Variants in HSD17B4 observed in about 807,000 individuals in gnomAD.
HSD17B4 encodes hydroxysteroid 17-beta dehydrogenase 4, also known as peroxisomal multifunctional enzyme type 2.
Under a neutral mutation model 101.0 loss-of-function variants are expected in HSD17B4, and 70 were observed. The ratio of observed to expected loss-of-function variants is 0.69; its 90% CI spans 0.57 to 0.85. The LOEUF is 0.85. Among genes scored for constraint, HSD17B4 ranks in the 40% least tolerant of loss-of-function variants. The probability of loss-of-function intolerance (pLI) is 0.00; values close to 1 mark genes in which losing one functional copy is unlikely to be tolerated. For missense variants in HSD17B4, 984 were observed against 892.4 expected (o/e 1.10, Z -1.31); for synonymous variants, 347 against 297.1 (o/e 1.17, Z -1.73).
intron 14 of HSD17B4, among the ~76,000 whole-genome samples, chr5:119,505,764 G>C (rs896915232): frequency 1.3e-5 from 2 of 151,592 alleles, no homozygotes; most frequent in African/African-American, 2.4e-5. Context: ...AGATTGCTCT[G>C]GGTAGGAGTT....
chr5:119,539,535 TAACA>T (rs1457724126), intron 23 of HSD17B4, among the ~76,000 whole-genome samples: 2 of 151,738 alleles, frequency 1.3e-5, no homozygotes, highest in Non-Finnish European at 2.9e-5. Flanking sequence ...TATACATATG[TAACA>T]AACCTGCGCA....
intron 17 of HSD17B4, among the ~76,000 whole-genome samples, chr5:119,523,664 T>A (rs952320377): frequency 3.9e-5 from 6 of 152,184 alleles, no homozygotes; most frequent in Admixed American, 2.0e-4. Context: ...AGGAATGATA[T>A]ATGTGGGATA....
chr5:119,510,729 C>T (rs1211129541), intron 16 of HSD17B4, among the ~76,000 whole-genome samples: 1 of 152,152 alleles, frequency 6.6e-6, no homozygotes, highest in Non-Finnish European at 1.5e-5. Flanking sequence ...GCATTTGAGT[C>T]ACAACCCCTC....
At chr5:119,497,729 CT>C (rs879787130) in intron 12 of HSD17B4, among the ~76,000 whole-genome samples, 4 of 152,104 alleles carry the variant, frequency 2.6e-5, no homozygotes, top group Non-Finnish European at 5.9e-5. Context: ...CTATTTATTG[CT>C]AAATGAGTGA....
intron 17 of HSD17B4, among the ~76,000 whole-genome samples, chr5:119,518,728 CTAAG>C (rs1168809994): frequency 6.6e-6 from 1 of 152,120 alleles, no homozygotes; most frequent in African/African-American, 2.4e-5. Context: ...TTTATATTAA[CTAAG>C]TAACTTTTCA....
At chr5:119,514,848 T>G (rs1180296228) in intron 16 of HSD17B4, 133 bp from the exon 17 acceptor site, 1 of 664,824 alleles carries the variant, frequency 1.5e-6, no homozygotes, top group African/African-American at 1.9e-5. Context: ...TGAGCATGAT[T>G]TTTTTTAAAC....
At chr5:119,467,000 A>G (rs1755879472) in intron 2 of HSD17B4, among the ~76,000 whole-genome samples, 1 of 152,132 alleles carries the variant, frequency 6.6e-6, no homozygotes, top group Non-Finnish European at 1.5e-5. Context: ...GTTTCAAGAA[A>G]TGTTTACATT....
intron 8 of HSD17B4, among the ~76,000 whole-genome samples, chr5:119,479,672 C>G (rs1748935728): frequency 6.6e-6 from 1 of 152,110 alleles, no homozygotes; most frequent in African/African-American, 2.4e-5. Flanking sequence ...GATTGAAGCT[C>G]ATTTCTTTTT....
At chr5:119,481,386 A>G (rs1282262965) in intron 8 of HSD17B4, among the ~76,000 whole-genome samples, 1 of 152,020 alleles carries the variant, frequency 6.6e-6, no homozygotes, top group African/African-American at 2.4e-5. Context: ...AATCTCCTTT[A>G]CTTTTGAAGG....
At chr5:119,477,547 T>A (rs1561443988) in intron 7 of HSD17B4, 46 bp downstream of exon 7, 2 of 1,209,772 alleles carry the variant, frequency 1.7e-6, no homozygotes, top group Non-Finnish European at 2.5e-6. Flanking sequence ...ATGTTGTGTC[T>A]GGGGGTTCTT....
In HSD17B4 at chr5:119,471,702, T is replaced by C. The variant is rs541081959; in HGVS notation, c.113-2206T>C. ...CACAATGCAGATTCTTTGTTTCAAG[T>C]AATTCTCTTAAGTTCTGTTTTTCCA... On this transcript the variant is annotated intron_variant, in intron 2 of 23. Coordinates refer to ENST00000510025, the MANE Select transcript of HSD17B4 (RefSeq NM_000414.4). 1.0e-4 allele frequency: 141 copies of C among 1,408,984 alleles called. No individual in the cohort carries two copies. Among genetic ancestry groups the C allele is most frequent in the Non-Finnish European group, 1.3e-4 (137 of 1,043,202 alleles). 87.3% of individuals were successfully genotyped at this position (1,408,984 alleles called of 1,614,324 possible).
chr5:119,501,500 G>A (rs1751161855), intron 13 of HSD17B4, among the ~76,000 whole-genome samples: 1 of 151,988 alleles, frequency 6.6e-6, no homozygotes, highest in African/African-American at 2.4e-5. Flanking sequence ...AAGTTACACA[G>A]TGTCCTTAGT....
Position 119,465,316 on chromosome 5 carries a change from A to G in HSD17B4, c.113-8592A>G, listed in dbSNP as rs545570298. ...ATGGTATGGATGTTTTTCTCCTCCAAATCATGTTGAAATGTGATTGGCTTA... is the reference window on the plus strand; with the variant it reads ...ATGGTATGGATGTTTTTCTCCTCCAGATCATGTTGAAATGTGATTGGCTTA... On this transcript the variant is annotated intron_variant, in intron 2 of 23. Coordinates refer to ENST00000510025, the MANE Select transcript of HSD17B4 (RefSeq NM_000414.4). Among the ~76,000 whole-genome samples, 160 of 152,306 alleles carry G rather than the reference A, an allele frequency of 1.1e-3. 1 individual carries two copies. The highest frequency in any genetic ancestry group is 3.8e-3 in the African/African-American group (160 of 41,564).
intron 10 of HSD17B4, 140 bp downstream of exon 10, chr5:119,492,264 A>C (rs577080734): frequency 2.7e-6 from 2 of 743,978 alleles, no homozygotes; most frequent in African/African-American, 3.5e-5. Flanking sequence ...AAACATTGCT[A>C]TAGCAACAGG....
At chr5:119,541,375 A>T (rs1016680025) in intron 23 of HSD17B4, among the ~76,000 whole-genome samples, 1 of 152,100 alleles carries the variant, frequency 6.6e-6, no homozygotes, top group Non-Finnish European at 1.5e-5. Flanking sequence ...GTATCTAAGC[A>T]TTTTCTCAAG....
Position 119,527,161 on chromosome 5 carries a change from G to A in HSD17B4, c.1709G>A (p.Gly570Glu). 1 of 1,607,222 alleles carries A rather than the reference G, an allele frequency of 6.2e-7. No individual in the cohort carries two copies. Among genetic ancestry groups the A allele is most frequent in the Non-Finnish European group, 8.5e-7 (1 of 1,174,482 alleles). ...CGTTTTGCAAAACCAGTATATCCAG[G>A]ACAAACTCTACAAACTGAGATGTGG... ...KARFAKPVYP[G>E]QTLQTEMWKE... Residue 570 changes from glycine to glutamate, a missense_variant, in exon 20 of 24, where the codon GGA becomes GAA. Physicochemically the swap from Gly to Glu is moderately conservative, Grantham distance 98. Coordinates refer to ENST00000510025, the MANE Select transcript of HSD17B4 (RefSeq NM_000414.4).
At chr5:119,532,154 C>T (rs1209623625) in intron 22 of HSD17B4, among the ~76,000 whole-genome samples, 2 of 152,164 alleles carry the variant, frequency 1.3e-5, no homozygotes. Context: ...ATTCTAACCT[C>T]ACCTTTATTT....
At chr5:119,500,375 A>G (rs757176426) in intron 13 of HSD17B4, among the ~76,000 whole-genome samples, 24 of 152,140 alleles carry the variant, frequency 1.6e-4, no homozygotes, top group Non-Finnish European at 2.8e-4. Context: ...GTTATACATT[A>G]CACATATCTA....
chr5:119,541,067 A>G lies in HSD17B4; in HGVS notation c.2122-838A>G, dbSNP rs141475007. Among the ~76,000 whole-genome samples the G allele has an allele frequency of 2.3e-3, 351 of 152,332 alleles. 1 individual carries two copies. Among genetic ancestry groups the G allele is most frequent in the African/African-American group, 8.2e-3 (339 of 41,570 alleles). ...CACTTCATATTTTATGTAAGCTATA[A>G]AAACTATGATTGATTATTTTTATTT... On this transcript the variant is annotated intron_variant, in intron 23 of 23. Transcript: ENST00000510025.
Sources: gnomAD v4.1 joint callset for allele counts (sites outside exome capture counted in the v4.1 genomes callset) on GRCh38, gnomAD v4.1.1 for gene constraint, MANE v1.5 for transcripts, NCBI Gene and HGNC (gene_info 2026-07-23, HGNC 2026-07-21) for gene names.